SORCS3: variants seen among roughly 807,000 people sequenced by gnomAD.
SORCS3 encodes sortilin related VPS10 domain containing receptor 3, also known as VPS10 domain-containing receptor SorCS3.
SORCS3 carries 57 observed loss-of-function variants against 146.3 expected under a neutral mutation model. That is an observed-to-expected ratio of 0.39 (90% CI 0.31 to 0.49). SORCS3 has a LOEUF of 0.49. Ranked by LOEUF, SORCS3 falls within the 20% of genes least tolerant of loss-of-function variation. The pLI, the probability that SORCS3 is intolerant of heterozygous loss-of-function variation, is 0.92. For missense variants in SORCS3, 1,341 were observed against 1,575.5 expected (o/e 0.85, Z 2.52); for synonymous variants, 653 against 618.5 (o/e 1.06, Z -0.83).
At position 104,814,523 on chromosome 10, in the gene SORCS3, A is replaced by G. The variant is rs552322764; in HGVS notation, c.628-28269A>G. ...CTATCTCCCGCCAATGCATGTCTCT[A>G]TGTGTCAGACCCCTATTCATCCTCT... is the stretch of plus-strand genomic sequence containing the variant. On this transcript the variant is annotated intron_variant, in intron 1 of 26. Coordinates refer to ENST00000369701, the MANE Select transcript of SORCS3 (RefSeq NM_014978.3). Among the ~76,000 whole-genome samples, 17 of 152,166 alleles carry G rather than the reference A, an allele frequency of 1.1e-4. No individual in the cohort carries two copies. The South Asian group carries it at 2.1e-3, about 19-fold the overall frequency.
intron 7 of SORCS3, among the ~76,000 whole-genome samples, chr10:105,113,129 G>C (rs1233909808): frequency 6.6e-6 from 1 of 152,064 alleles, no homozygotes; most frequent in Non-Finnish European, 1.5e-5. Flanking sequence ...ATACTCCTTC[G>C]TTTGACAAAA....
At chr10:105,226,058 T>C (rs1197568075) in intron 20 of SORCS3, among the ~76,000 whole-genome samples, 1 of 151,936 alleles carries the variant, frequency 6.6e-6, no homozygotes, top group Non-Finnish European at 1.5e-5. Flanking sequence ...TTTTTTCTCT[T>C]GCCTGATTAC....
intron 4 of SORCS3, among the ~76,000 whole-genome samples, chr10:105,003,600 G>A (rs961088250): frequency 6.6e-6 from 1 of 152,172 alleles, no homozygotes; most frequent in Non-Finnish European, 1.5e-5. Context: ...AGATAAATAT[G>A]CAGAGCAAGG....
chr10:105,168,680 T>G (rs1292425491), intron 13 of SORCS3, among the ~76,000 whole-genome samples: 2 of 152,082 alleles, frequency 1.3e-5, no homozygotes, highest in East Asian at 1.9e-4. Flanking sequence ...CAAGCTTCAG[T>G]CCTTTTGGCA....
chr10:105,091,221 CTCCT>C (rs1186491241), intron 6 of SORCS3, among the ~76,000 whole-genome samples: 1 of 105,600 alleles, frequency 9.5e-6, no homozygotes, highest in East Asian at 2.9e-4. Flanking sequence ...CCTTCCTTCC[CTCCT>C]TCCTTCCTTC....
intron 11 of SORCS3, among the ~76,000 whole-genome samples, chr10:105,162,262 A>G (rs2119512178): frequency 6.6e-6 from 1 of 152,328 alleles, no homozygotes; most frequent in East Asian, 1.9e-4. Context: ...TGGGCCCTCC[A>G]TCATTTACCA....
chr10:104,919,312 C>G (rs2133602430), intron 3 of SORCS3, among the ~76,000 whole-genome samples: 1 of 152,110 alleles, frequency 6.6e-6, no homozygotes, highest in East Asian at 1.9e-4. Flanking sequence ...GTTAAACATA[C>G]AGACATTTTC....
chr10:105,205,046 C>CATGCA (rs2056594661), intron 16 of SORCS3, among the ~76,000 whole-genome samples: 1 of 152,090 alleles, frequency 6.6e-6, no homozygotes, highest in Non-Finnish European at 1.5e-5. Flanking sequence ...ACAGTTAGTA[C>CATGCA]CAGTGATTAT....
Position 104,710,676 on chromosome 10 carries a change from C to G in SORCS3, c.627+68722C>G, listed in dbSNP as rs187303920. Among the ~76,000 whole-genome samples the G allele has an allele frequency of 5.6e-4, 85 of 152,134 alleles. 1 individual carries two copies. The highest frequency in any genetic ancestry group is 1.8e-3 in the African/African-American group (76 of 41,502). ...CATCTTCAGATCAAACCCCCACCCCCACCTCATCCAGAGCAATGAATTGTC... is the reference window on the plus strand; with the variant it reads ...CATCTTCAGATCAAACCCCCACCCCGACCTCATCCAGAGCAATGAATTGTC... On this transcript the variant is annotated intron_variant, in intron 1 of 26. Coordinates refer to ENST00000369701, the MANE Select transcript of SORCS3 (RefSeq NM_014978.3).
chr10:105,167,254 C>A lies in SORCS3; in HGVS notation c.1810-4C>A. 1 of 1,608,528 alleles carries A rather than the reference C, an allele frequency of 6.2e-7. No individual in the cohort carries two copies. Among genetic ancestry groups the A allele is most frequent in the Non-Finnish European group, 8.5e-7 (1 of 1,175,574 alleles). On this transcript the variant is annotated splice_polypyrimidine_tract_variant and splice_region_variant and intron_variant, in intron 12 of 26. Transcript: ENST00000369701. ...GATTGTTGTTGTTGTTGTTGTTGTT[C>A]CAGATCTTTGATGAAGAGTACAATG...
chr10:105,108,275 G>C (rs575882523), intron 7 of SORCS3, among the ~76,000 whole-genome samples: 3 of 152,266 alleles, frequency 2.0e-5, no homozygotes, highest in African/African-American at 7.2e-5. Context: ...TGAAGATGGG[G>C]AGTGGGCAGT....
At chr10:104,749,477 A>G (rs1207761998) in intron 1 of SORCS3, among the ~76,000 whole-genome samples, 1 of 152,160 alleles carries the variant, frequency 6.6e-6, no homozygotes, top group Non-Finnish European at 1.5e-5. Context: ...TTCAATATAA[A>G]GGGTGGATTT....
chr10:105,064,622 A>C (rs1006085502), intron 5 of SORCS3, among the ~76,000 whole-genome samples: 15 of 150,586 alleles, frequency 1.0e-4, no homozygotes, highest in Non-Finnish European at 1.6e-4. Flanking sequence ...GAAGTCCAGG[A>C]GTCCAAAGTT....
intron 1 of SORCS3, among the ~76,000 whole-genome samples, chr10:104,675,646 T>A (rs557340795): frequency 2.6e-5 from 4 of 152,208 alleles, no homozygotes; most frequent in Non-Finnish European, 5.9e-5. Flanking sequence ...ACTGGAAAGA[T>A]GTCTTTGTTG....
At chr10:105,141,130 C>T (rs1395747601) in intron 8 of SORCS3, among the ~76,000 whole-genome samples, 2 of 152,114 alleles carry the variant, frequency 1.3e-5, no homozygotes, top group African/African-American at 4.8e-5. Context: ...CTCAGGAAAA[C>T]CAACCATTCA....
chr10:105,223,992 T>A (rs1182847053), intron 20 of SORCS3, among the ~76,000 whole-genome samples: 1 of 152,202 alleles, frequency 6.6e-6, no homozygotes, highest in Non-Finnish European at 1.5e-5. Flanking sequence ...TTTCCATATA[T>A]CCCCTGCTTC....
At chr10:105,255,882 C>T in intron 24 of SORCS3, 81 bp downstream of exon 24, 1 of 1,150,362 alleles carries the variant, frequency 8.7e-7, no homozygotes. Context: ...TCATGAAACC[C>T]TGCTGCATAA....
At chr10:104,697,926 T>C (rs1421246539) in intron 1 of SORCS3, among the ~76,000 whole-genome samples, 1 of 152,194 alleles carries the variant, frequency 6.6e-6, no homozygotes, top group Non-Finnish European at 1.5e-5. Context: ...GTCCTGCCTC[T>C]GGTTTAATTC....
At chr10:104,662,698 T>C (rs964604826) in intron 1 of SORCS3, among the ~76,000 whole-genome samples, 1 of 152,212 alleles carries the variant, frequency 6.6e-6, no homozygotes, top group Non-Finnish European at 1.5e-5. Flanking sequence ...TGAATATTTG[T>C]ACTTAAGCTC....
Sources: gnomAD v4.1 joint callset for allele counts (sites outside exome capture counted in the v4.1 genomes callset) on GRCh38, gnomAD v4.1.1 for gene constraint, MANE v1.5 for transcripts, NCBI Gene and HGNC (gene_info 2026-07-23, HGNC 2026-07-21) for gene names.